RASAL1: variants seen among roughly 807,000 people sequenced by gnomAD.
RASAL1 encodes rasGAP-activating-like protein 1.
RASAL1 carries 72 observed loss-of-function variants against 96.6 expected under a neutral mutation model. That is an observed-to-expected ratio of 0.75 (90% CI 0.62 to 0.91). The LOEUF is 0.91. Among genes scored for constraint, RASAL1 ranks in the 40% least tolerant of loss-of-function variants. The pLI is 0.00. For missense variants in RASAL1, 1,016 were observed against 1,072.5 expected (o/e 0.95, Z 0.74); for synonymous variants, 405 against 430.4 (o/e 0.94, Z 0.73).
chr12:113,121,508 C>T lies in RASAL1; in HGVS notation c.428+1G>A. On this transcript the variant is annotated splice_donor_variant, in intron 5 of 20. Transcript: ENST00000548055. LOFTEE classifies it high-confidence loss of function. ...CCACACCACCTCCACCTTAAGCATA[C>T]CTGGCCTGAAGCACATGGCAGCGAA... 6.2e-7 allele frequency: 1 copy of T among 1,614,204 alleles called. No homozygotes were observed. The highest frequency in any genetic ancestry group is 8.5e-7 in the Non-Finnish European group (1 of 1,180,028).
intron 14 of RASAL1, 138 bp from the exon 15 acceptor site, chr12:113,107,379 T>G: frequency 9.6e-7 from 1 of 1,047,056 alleles, no homozygotes; most frequent in Non-Finnish European, 1.4e-6. Context: ...TCCCAGCACT[T>G]TGGGAGGCCG....
chr12:113,101,261 C>T (rs1315833312), intron 19 of RASAL1, among the ~76,000 whole-genome samples: 3 of 152,082 alleles, frequency 2.0e-5, no homozygotes, highest in Admixed American at 2.0e-4. Flanking sequence ...ACTAAAAATA[C>T]AAAAACTAGT....
chr12:113,136,560 G>T (rs1047118866), upstream of RASAL1, among the ~76,000 whole-genome samples: 4 of 152,244 alleles, frequency 2.6e-5, no homozygotes, highest in Non-Finnish European at 5.9e-5. Flanking sequence ...CCTTCCAGGG[G>T]TTCGAATCCT....
At chr12:113,131,844 T>C (rs1200385525) in intron 1 of RASAL1, among the ~76,000 whole-genome samples, 1 of 152,198 alleles carries the variant, frequency 6.6e-6, no homozygotes, top group Non-Finnish European at 1.5e-5. Flanking sequence ...CTGCCATGGC[T>C]GGCTCCTTCC....
chr12:113,108,556 A>G (rs1950731019), intron 13 of RASAL1, among the ~76,000 whole-genome samples: 3 of 152,244 alleles, frequency 2.0e-5, no homozygotes, highest in Admixed American at 2.0e-4. Context: ...AAGCTCAGAG[A>G]CATCAAGCGA....
At chr12:113,132,026 C>T (rs527896476) in intron 1 of RASAL1, among the ~76,000 whole-genome samples, 1 of 144,250 alleles carries the variant, frequency 6.9e-6, no homozygotes, top group South Asian at 2.2e-4. Context: ...GGCTGGAGTG[C>T]AGTGGCGCGA....
intron 8 of RASAL1, among the ~76,000 whole-genome samples, chr12:113,116,807 G>T (rs1215063806): frequency 6.6e-6 from 1 of 152,218 alleles, no homozygotes; most frequent in Non-Finnish European, 1.5e-5. Flanking sequence ...TGAACAGTAT[G>T]GAGAGGTGTG....
chr12:113,100,136 A>G (rs540253788), intron 20 of RASAL1, 68 bp from the exon 21 acceptor site: 178 of 1,455,374 alleles, frequency 1.2e-4, no homozygotes, highest in Middle Eastern at 1.8e-4. Context: ...CCCGGACCCA[A>G]TGGTTTCTCA....
intron 15 of RASAL1, among the ~76,000 whole-genome samples, chr12:113,106,693 A>G (rs1440602143): frequency 6.6e-6 from 1 of 151,388 alleles, no homozygotes; most frequent in African/African-American, 2.4e-5. Context: ...CTAACATACC[A>G]CATAACTTGC....
rs1951073718 is a variant in RASAL1 at position 113,116,068 on chromosome 12, C to G, written c.732-17G>C. ...AGGTTCCCCCTGTCCAGGATCAGAT[C>G]ATAAGAAAATGAAAGATCTGGCCGA... On this transcript the variant is annotated splice_polypyrimidine_tract_variant and intron_variant, in intron 8 of 20. Coordinates refer to ENST00000548055, the MANE Select transcript of RASAL1 (RefSeq NM_001301202.2). 1 of 1,536,734 alleles carries G rather than the reference C, an allele frequency of 6.5e-7. No homozygotes were observed. The highest frequency in any genetic ancestry group is 8.8e-7 in the Non-Finnish European group (1 of 1,139,524).
chr12:113,100,180 A>G (rs1258425482), intron 20 of RASAL1, 112 bp from the exon 21 acceptor site: 29 of 1,250,994 alleles, frequency 2.3e-5, no homozygotes, highest in Non-Finnish European at 2.9e-5. Context: ...TGAGAACCCT[A>G]AAATCCTTGA....
chr12:113,132,294 T>C (rs1035539963), intron 1 of RASAL1, among the ~76,000 whole-genome samples: 3 of 152,106 alleles, frequency 2.0e-5, no homozygotes, highest in Admixed American at 2.0e-4. Context: ...TCTATGCGTT[T>C]AGTATTGTCT....
chr12:113,134,189 C>G (rs1470811430), intron 1 of RASAL1, among the ~76,000 whole-genome samples: 1 of 152,218 alleles, frequency 6.6e-6, no homozygotes, highest in Non-Finnish European at 1.5e-5. Context: ...AGCACACACT[C>G]TGCTTCTCAT....
chr12:113,114,440 C>A (rs903784047), intron 12 of RASAL1, among the ~76,000 whole-genome samples: 35 of 148,296 alleles, frequency 2.4e-4, no homozygotes, highest in African/African-American at 8.8e-4. Context: ...CACCACTGCA[C>A]CCCAGCCTGG....
chr12:113,117,136 T>C lies in RASAL1; in HGVS notation c.668A>G (p.Gln223Arg). 1.2e-6 allele frequency: 2 copies of C among 1,608,586 alleles called. No homozygotes were observed. The highest frequency in any genetic ancestry group is 1.7e-4 in the Middle Eastern group (1 of 6,044). Residue 223 changes from glutamine (Q) to arginine (R), a missense_variant, in exon 8 of 21, where the codon CAG becomes CGG. By Grantham distance (43) the Gln-to-Arg change is conservative. Coordinates refer to ENST00000548055, the MANE Select transcript of RASAL1 (RefSeq NM_001301202.2). ...GMVEFSPKTL[Q>R]QKPPKGWFRL... is the part of the protein sequence containing the mutation. ...GAACCAGCCTTTAGGTGGCTTCTGC[T>C]GGAGGGTCTTTGGAGAGAACTCCAC...
chr12:113,135,473 C>G lies in RASAL1; in HGVS notation c.-11G>C. On this transcript the variant is annotated 5_prime_UTR_variant, in exon 1 of 21. Coordinates refer to ENST00000548055, the MANE Select transcript of RASAL1 (RefSeq NM_001301202.2). This position sits in a 1 kb window ranked among gnomAD's most constrained non-coding sequence, Gnocchi z 5.7. ...GCTGCTCTTGGCCATGGCGCCTAGCCACAAACTTTCCAGGCAGAAGGGCGC... is the reference window on the plus strand; with the variant it reads ...GCTGCTCTTGGCCATGGCGCCTAGCGACAAACTTTCCAGGCAGAAGGGCGC... The G allele has an allele frequency of 6.2e-7, 1 of 1,601,858 alleles. No homozygotes were observed. The highest frequency in any genetic ancestry group is 8.5e-7 in the Non-Finnish European group (1 of 1,174,978).
At chr12:113,108,471 C>A (rs1181909490) in intron 13 of RASAL1, among the ~76,000 whole-genome samples, 1 of 152,298 alleles carries the variant, frequency 6.6e-6, no homozygotes, top group East Asian at 1.9e-4. Context: ...TGGCTTTGTG[C>A]CAAGCACTAT....
chr12:113,123,100 T>A (rs1260153231), intron 4 of RASAL1, among the ~76,000 whole-genome samples: 9 of 152,254 alleles, frequency 5.9e-5, no homozygotes, highest in Admixed American at 2.6e-4. Context: ...GGTGCTTTTC[T>A]AAAATCTGTC....
Position 113,101,972 on chromosome 12 carries a change from C to G in RASAL1, c.2142G>C (p.Leu714=). The G allele has an allele frequency of 6.2e-7, 1 of 1,614,146 alleles. No homozygotes were observed. Among genetic ancestry groups the G allele is most frequent in the Non-Finnish European group, 8.5e-7 (1 of 1,180,012 alleles). Residue 714 remains leucine, a synonymous_variant, in exon 19 of 21, where the codon CTG becomes CTC. Coordinates refer to ENST00000548055, the MANE Select transcript of RASAL1 (RefSeq NM_001301202.2). ...GCSRTHSAVT[L]GDWSDPLDPD... is the part of the protein sequence containing the mutation. ...GATCCAGTGGGTCACTCCAGTCCCC[C>G]AGGGTGACAGCTGAGTGTGTACGGC...
Sources: gnomAD v4.1 joint callset for allele counts (sites outside exome capture counted in the v4.1 genomes callset) on GRCh38, gnomAD v4.1.1 for gene constraint, Gnocchi (gnomAD v3.1) non-coding constraint, MANE v1.5 for transcripts, NCBI Gene and HGNC (gene_info 2026-07-23, HGNC 2026-07-21) for gene names.